The following NR5A2 variants were observed in gnomAD, a reference collection of about 807,000 sequenced individuals.
The protein encoded by NR5A2 is nuclear receptor subfamily 5 group A member 2.
Under a neutral mutation model 62.7 loss-of-function variants are expected in NR5A2, and 26 were observed. That is an observed-to-expected ratio of 0.41 (90% confidence interval 0.30 to 0.58). The LOEUF (loss-of-function observed/expected upper bound fraction) is 0.58, where lower values mean the gene tolerates loss of function less well. NR5A2 is among the 20% of genes least tolerant of loss of function. The probability of loss-of-function intolerance (pLI) is 0.22; values close to 1 mark genes in which losing one functional copy is unlikely to be tolerated. For missense variants in NR5A2, 541 were observed against 669.1 expected, an observed-to-expected ratio of 0.81 and a Z score of 2.11; for synonymous variants, 246 against 241.7, an observed-to-expected ratio of 1.02 and a Z score of -0.16.
At chr1:200,138,028 G>A (rs1275776617) in intron 7 of NR5A2, among the ~76,000 whole-genome samples, 1 of 152,168 alleles carries the variant, frequency 6.6e-6, no homozygotes, top group African/African-American at 2.4e-5. Context: ...ACAGGTTGAT[G>A]TGCCATTTTT....
At chr1:200,049,861 TAG>T (rs1184844530) in intron 5 of NR5A2, among the ~76,000 whole-genome samples, 2 of 152,188 alleles carry the variant, frequency 1.3e-5, no homozygotes, top group African/African-American at 4.8e-5. Flanking sequence ...TCTGTGTAAG[TAG>T]ATGGTCTGGG....
At chr1:200,107,674 C>G (rs538356351) in intron 5 of NR5A2, among the ~76,000 whole-genome samples, 1 of 152,172 alleles carries the variant, frequency 6.6e-6, no homozygotes, top group African/African-American at 2.4e-5. Flanking sequence ...GAGTCTTGTT[C>G]TGTCACCCAG....
At chr1:200,128,827 T>G (rs1357846510) in intron 7 of NR5A2, among the ~76,000 whole-genome samples, 1 of 152,168 alleles carries the variant, frequency 6.6e-6, no homozygotes, top group Non-Finnish European at 1.5e-5. Flanking sequence ...CTGACATTGT[T>G]AATAGTAAAT....
In NR5A2 at chr1:200,058,459, A is replaced by G. The variant is rs576971436; in HGVS notation, c.1110+9641A>G. 1.4e-3 allele frequency: 207 copies of G among 152,174 alleles called. 4 individuals carry two copies. In the Middle Eastern group the frequency reaches 0.044, roughly 33 times the overall value. 9.4% of individuals were successfully genotyped at this position (152,174 alleles called of 1,614,324 possible). A position where few individuals can be genotyped will look rare whatever the true frequency, so the allele number is the denominator to read the frequency against. On this transcript the variant is annotated intron_variant, in intron 5 of 7. Coordinates refer to ENST00000367362, the MANE Select transcript of NR5A2 (RefSeq NM_205860.3). Reference sequence around the variant, plus strand: ...TTTTCGTAAGTTTACCCGAAGATACATACATTTATTATGTTGGTTTTTTGT... The same window carrying G: ...TTTTCGTAAGTTTACCCGAAGATACGTACATTTATTATGTTGGTTTTTTGT...
chr1:200,079,867 A>AT (rs963834177), intron 5 of NR5A2, among the ~76,000 whole-genome samples: 177 of 112,330 alleles, frequency 1.6e-3, no homozygotes, highest in African/African-American at 5.9e-3. Flanking sequence ...TGGCCTTGTT[A>AT]TAAAAAAAAA....
intron 5 of NR5A2, among the ~76,000 whole-genome samples, chr1:200,084,418 A>G (rs1024862489): frequency 6.6e-6 from 1 of 152,204 alleles, no homozygotes; most frequent in Non-Finnish European, 1.5e-5. Context: ...ATCAAGGGAA[A>G]AAAAGAACAA....
At chr1:200,082,953 G>T (rs1181203922) in intron 5 of NR5A2, among the ~76,000 whole-genome samples, 1 of 152,034 alleles carries the variant, frequency 6.6e-6, no homozygotes, top group Non-Finnish European at 1.5e-5. Context: ...AGAAACTAAG[G>T]CTATATGTCT....
chr1:200,084,723 T>C (rs1459209645), intron 5 of NR5A2, among the ~76,000 whole-genome samples: 1 of 152,224 alleles, frequency 6.6e-6, no homozygotes, highest in Non-Finnish European at 1.5e-5. Context: ...ATTAATCCCT[T>C]TGTAGTAACC....
rs551220303 is a variant in NR5A2 at position 200,039,549 on chromosome 1, C to G, written c.65-109C>G. On this transcript the variant is annotated intron_variant, in intron 1 of 7. Transcript: ENST00000367362. This position sits in a 1 kb window ranked among gnomAD's most constrained non-coding sequence, Gnocchi z 5.1. Reference sequence around the variant, plus strand: ...GCTCAGAGGTCCTGCCCGGCAGCCCCGAGGAGGCGGAGGCACGCTCCGGCG... The same window carrying G: ...GCTCAGAGGTCCTGCCCGGCAGCCCGGAGGAGGCGGAGGCACGCTCCGGCG... 8 of 1,529,450 alleles carry G rather than the reference C, an allele frequency of 5.2e-6. No individual in the cohort carries two copies. In the South Asian group the frequency reaches 9.5e-5, roughly 18 times the overall value. The allele number at this position is 1,529,450 out of a possible 1,614,324, so 94.7% of individuals were successfully genotyped here.
chr1:200,089,363 T>A (rs76200047), intron 5 of NR5A2, among the ~76,000 whole-genome samples: 4 of 151,930 alleles, frequency 2.6e-5, no homozygotes, highest in African/African-American at 9.7e-5. Flanking sequence ...GTTTCGCCAC[T>A]TTGGGCAGAC....
At chr1:200,079,448 T>C (rs913040110) in intron 5 of NR5A2, among the ~76,000 whole-genome samples, 48 of 152,230 alleles carry the variant, frequency 3.2e-4, no homozygotes, top group Non-Finnish European at 1.0e-4. Flanking sequence ...GGGCAGGGTC[T>C]CATCCTGAAG....
intron 7 of NR5A2, among the ~76,000 whole-genome samples, chr1:200,156,282 C>T (rs1333608109): frequency 6.6e-6 from 1 of 152,240 alleles, no homozygotes; most frequent in Non-Finnish European, 1.5e-5. Flanking sequence ...TGCATCCTCC[C>T]TCAGGGGAGA....
intron 5 of NR5A2, among the ~76,000 whole-genome samples, chr1:200,094,823 C>T (rs1665003021): frequency 6.6e-6 from 1 of 151,956 alleles, no homozygotes; most frequent in Admixed American, 6.6e-5. Context: ...TGAGCCACCG[C>T]GCCTGGCCAA....
chr1:200,095,805 G>A (rs1229423034), intron 5 of NR5A2, among the ~76,000 whole-genome samples: 1 of 152,104 alleles, frequency 6.6e-6, no homozygotes, highest in African/African-American at 2.4e-5. Flanking sequence ...GCCCGCCTTG[G>A]CCTCCCAAAG....
chr1:200,132,707 C>G (rs1233642541), intron 7 of NR5A2, among the ~76,000 whole-genome samples: 1 of 152,152 alleles, frequency 6.6e-6, no homozygotes, highest in African/African-American at 2.4e-5. Context: ...AGTAAGAATG[C>G]CATGTGCTCT....
At position 200,147,109 on chromosome 1, in the gene NR5A2, C is replaced by A. The variant is rs1667738979; in HGVS notation, c.1378+26154C>A. 6.6e-6 allele frequency among the ~76,000 whole-genome samples: 1 copy of A among 152,052 alleles called. No individual in the cohort carries two copies. Among genetic ancestry groups the A allele is most frequent in the Non-Finnish European group, 1.5e-5 (1 of 68,004 alleles). On this transcript the variant is annotated intron_variant, in intron 7 of 7. Coordinates refer to ENST00000367362, the MANE Select transcript of NR5A2 (RefSeq NM_205860.3). This position sits in a 1 kb window ranked among gnomAD's most constrained non-coding sequence, Gnocchi z 4.9. ...ATAAATTGCCCAAAATAAATAAGGG[C>A]TGGTGAGGAAAATAAAAAATGTTTC...
chr1:200,098,458 T>C (rs1665202565), intron 5 of NR5A2, among the ~76,000 whole-genome samples: 1 of 152,226 alleles, frequency 6.6e-6, no homozygotes, highest in African/African-American at 2.4e-5. Flanking sequence ...TGGGCAATAT[T>C]ATATTTTAAA....
chr1:200,048,156 AC>A lies in NR5A2; in HGVS notation c.464-12del. The A allele has an allele frequency of 6.4e-7, 1 of 1,556,190 alleles. No homozygotes were observed. The highest frequency in any genetic ancestry group is 8.7e-7 in the Non-Finnish European group (1 of 1,146,972). On this transcript the variant is annotated splice_polypyrimidine_tract_variant and intron_variant, in intron 4 of 7. Transcript: ENST00000367362. This position sits in a 1 kb window ranked among gnomAD's most constrained non-coding sequence, Gnocchi z 4.8. ...TTTATACCTTTCCTTCCTTCCCCCC[AC>A]CCCACCCCCAACAGCTGTAAGGGCC...
chr1:200,114,509 T>C (rs1445918645), intron 6 of NR5A2, among the ~76,000 whole-genome samples: 1 of 152,130 alleles, frequency 6.6e-6, no homozygotes, highest in African/African-American at 2.4e-5. Context: ...GTGTCTCCAT[T>C]CCAAAACTTC....
Sources: gnomAD v4.1 joint callset for allele counts (sites outside exome capture counted in the v4.1 genomes callset) on GRCh38, gnomAD v4.1.1 for gene constraint, Gnocchi (gnomAD v3.1) non-coding constraint, MANE v1.5 for transcripts, NCBI Gene and HGNC (gene_info 2026-07-23, HGNC 2026-07-21) for gene names.